EGFR: variants seen among roughly 807,000 people sequenced by gnomAD.
EGFR encodes the protein epidermal growth factor receptor.
In EGFR, 58 loss-of-function variants were observed where a neutral mutation model predicts 143.0. The ratio of observed to expected loss-of-function variants is 0.41; its 90% CI spans 0.33 to 0.50. The LOEUF is 0.50. EGFR is among the 20% of genes least tolerant of loss of function. EGFR has a pLI of 0.39. For missense variants in EGFR, 1,307 were observed against 1,579.0 expected, an observed-to-expected ratio of 0.83 and a Z score of 2.92; for synonymous variants, 613 against 594.4, an observed-to-expected ratio of 1.03 and a Z score of -0.45.
At chr7:55,056,139 G>A (rs1788802841) in intron 1 of EGFR, among the ~76,000 whole-genome samples, 1 of 152,160 alleles carries the variant, frequency 6.6e-6, no homozygotes, top group Non-Finnish European at 1.5e-5. Context: ...GGTGAGGGAA[G>A]ATTGAATGAA....
In EGFR at chr7:55,205,658, C is replaced by T. The variant is rs183176784; in HGVS notation, c.*41C>T. On this transcript the variant is annotated 3_prime_UTR_variant, in exon 28 of 28. Coordinates refer to ENST00000275493, the MANE Select transcript of EGFR (RefSeq NM_005228.5). ...TGAGCCCTAAAAATCCAGACTCTTT[C>T]GATACCCAGGACCAAGCCACAGCAG... The T allele has an allele frequency of 5.6e-6, 9 of 1,613,700 alleles. No individual in the cohort carries two copies. Among genetic ancestry groups the T allele is most frequent in the African/African-American group, 1.3e-5 (1 of 74,870 alleles).
intron 1 of EGFR, among the ~76,000 whole-genome samples, chr7:55,083,766 G>A (rs1790604291): frequency 6.6e-6 from 1 of 152,176 alleles, no homozygotes; most frequent in South Asian, 2.1e-4. Flanking sequence ...ATGCATTAAT[G>A]TTTAAATATA....
chr7:55,186,353 C>T (rs1285570052), intron 20 of EGFR, among the ~76,000 whole-genome samples: 1 of 152,210 alleles, frequency 6.6e-6, no homozygotes, highest in African/African-American at 2.4e-5. Context: ...TTGCTCCCTC[C>T]CCTCATGGCT....
chr7:55,027,033 A>G (rs1786933742), intron 1 of EGFR, among the ~76,000 whole-genome samples: 1 of 152,174 alleles, frequency 6.6e-6, no homozygotes, highest in Admixed American at 6.5e-5. Flanking sequence ...ACAAGTCCTC[A>G]GGGAGATTCT....
chr7:55,128,529 A>AGAATATAC (rs1793657276), intron 1 of EGFR, among the ~76,000 whole-genome samples: 1 of 152,260 alleles, frequency 6.6e-6, no homozygotes, highest in Non-Finnish European at 1.5e-5. Flanking sequence ...AATTTTTTAA[A>AGAATATAC]GAATATACGA....
chr7:55,057,703 A>C (rs1195270209), intron 1 of EGFR, among the ~76,000 whole-genome samples: 1 of 152,172 alleles, frequency 6.6e-6, no homozygotes, highest in Non-Finnish European at 1.5e-5. Context: ...TCTAACATAA[A>C]ATGGGATTGA....
chr7:55,077,939 G>A (rs1790225216), intron 1 of EGFR, among the ~76,000 whole-genome samples: 1 of 152,236 alleles, frequency 6.6e-6, no homozygotes, highest in Non-Finnish European at 1.5e-5. Flanking sequence ...CTTTGCAAGG[G>A]TGTAATGCTG....
chr7:55,133,194 G>A (rs1261603053), intron 1 of EGFR, among the ~76,000 whole-genome samples: 1 of 152,170 alleles, frequency 6.6e-6, no homozygotes, highest in Non-Finnish European at 1.5e-5. Context: ...ACATCACCTT[G>A]CTAGGGTGCC....
chr7:55,076,059 A>G (rs1427348652), intron 1 of EGFR, among the ~76,000 whole-genome samples: 1 of 152,224 alleles, frequency 6.6e-6, no homozygotes, highest in Non-Finnish European at 1.5e-5. Context: ...GTAATTTGTT[A>G]TAAATGAGAC....
In EGFR at chr7:55,179,589, C is replaced by T. The variant is rs533632016; in HGVS notation, c.2284-1704C>T. On this transcript the variant is annotated intron_variant, in intron 19 of 27. Coordinates refer to ENST00000275493, the MANE Select transcript of EGFR (RefSeq NM_005228.5). ...CTGGAGGGAGGAGGGCAGTCAGCCT[C>T]GGGGCTTCCCAGGAACAGGGACGGC... Among the ~76,000 whole-genome samples, 9 of 152,218 alleles carry T rather than the reference C, an allele frequency of 5.9e-5. No individual in the cohort carries two copies. The East Asian group carries it at 9.6e-4, about 16-fold the overall frequency.
chr7:55,159,686 A>G (rs1395396803), intron 11 of EGFR, among the ~76,000 whole-genome samples: 1 of 152,198 alleles, frequency 6.6e-6, no homozygotes, highest in African/African-American at 2.4e-5. Context: ...AGAGGAGGAA[A>G]CATATTTAAC....
chr7:55,140,735 A>G (rs1225253920), intron 1 of EGFR, among the ~76,000 whole-genome samples: 1 of 152,212 alleles, frequency 6.6e-6, no homozygotes, highest in African/African-American at 2.4e-5. Flanking sequence ...GCCCCTGGTG[A>G]TAGGAGAGAG....
chr7:55,019,164 C>T lies in EGFR; in HGVS notation c.-114C>T. The T allele has an allele frequency of 8.2e-6, 7 of 849,754 alleles. No homozygotes were observed. In the South Asian group the frequency reaches 8.8e-5, roughly 11 times the overall value. The allele number at this position is 849,754 out of a possible 1,614,324, so 52.6% of individuals were successfully genotyped here. ...CAGACCGGACGACAGGCCACCTCGT[C>T]GGCGTCCGCCCGAGTCCCCGCCTCG... On this transcript the variant is annotated 5_prime_UTR_variant, in exon 1 of 28. Transcript: ENST00000275493.
rs17290762 is a variant in EGFR at position 55,205,695 on chromosome 7, C to T, written c.*78C>T. The stretch of plus-strand genomic sequence containing the variant: ...CCAAGCCACAGCAGGTCCTCCATCC[C>T]AACAGCCATGCCCGCATTAGCTCTT... On this transcript the variant is annotated 3_prime_UTR_variant, in exon 28 of 28. Transcript: ENST00000275493. 2,841 of 1,608,942 alleles carry T rather than the reference C, an allele frequency of 1.8e-3. 44 individuals carry two copies. In the African/African-American group the frequency reaches 0.031, roughly 18 times the overall value.
At chr7:55,044,711 C>T (rs2128870993) in intron 1 of EGFR, among the ~76,000 whole-genome samples, 1 of 152,262 alleles carries the variant, frequency 6.6e-6, no homozygotes, top group Admixed American at 6.5e-5. Context: ...ACACTTGTTT[C>T]CCGCCGCCCC....
chr7:55,042,782 C>T (rs938533576), intron 1 of EGFR, among the ~76,000 whole-genome samples: 44 of 152,118 alleles, frequency 2.9e-4, no homozygotes, highest in African/African-American at 1.0e-3. Flanking sequence ...GCTGGAGATG[C>T]GTATTGTCTT....
At chr7:55,156,868 A>G (rs369596578) in intron 10 of EGFR, 36 bp downstream of exon 10, 4 of 1,614,030 alleles carry the variant, frequency 2.5e-6, no homozygotes, top group Non-Finnish European at 3.4e-6. Context: ...ATAAATGGGA[A>G]ATCAGTGTTT....
intron 1 of EGFR, among the ~76,000 whole-genome samples, chr7:55,087,273 T>TTAAAA (rs1562702232): frequency 2.9e-5 from 3 of 102,114 alleles, no homozygotes; most frequent in African/African-American, 4.0e-5. Context: ...TCTCAATTGT[T>TTAAAA]AAAAAAAAAA....
chr7:55,154,201 G>A (rs747626577), intron 7 of EGFR, 49 bp downstream of exon 7: 39 of 1,613,274 alleles, frequency 2.4e-5, no homozygotes, highest in Middle Eastern at 1.6e-4. Context: ...TCCTTGTCCC[G>A]CTCTGTCTCC....
Sources: allele counts gnomAD v4.1 joint callset (sites outside exome capture counted in the v4.1 genomes callset), GRCh38; gene constraint gnomAD v4.1.1; transcripts MANE v1.5; gene names NCBI Gene and HGNC (gene_info 2026-07-23, HGNC 2026-07-21).